The following FGFR1OP2 variants were observed in gnomAD, a reference collection of about 807,000 sequenced individuals.
FGFR1OP2 encodes the protein FGFR1 oncogene partner 2.
Under a neutral mutation model 35.2 loss-of-function variants are expected in FGFR1OP2, and 17 were observed. That is an observed-to-expected ratio of 0.48 (90% CI 0.33 to 0.73). The LOEUF (loss-of-function observed/expected upper bound fraction) is 0.73. Ranked by LOEUF, FGFR1OP2 falls within the 30% of genes least tolerant of loss-of-function variation. The pLI, the probability that FGFR1OP2 is intolerant of heterozygous loss-of-function variation, is 0.02. For synonymous variants in FGFR1OP2, 105 were observed against 104.6 expected (o/e 1.00, Z -0.03); for missense variants, 251 against 307.3 (o/e 0.82, Z 1.37).
chr12:26,941,554 A>G (rs138009864), intron 1 of FGFR1OP2, among the ~76,000 whole-genome samples: 1 of 152,322 alleles, frequency 6.6e-6, no homozygotes, highest in Non-Finnish European at 1.5e-5. Flanking sequence ...CAAATTTTAA[A>G]TGTAGTTGAT....
chr12:26,943,972 A>G (rs1458523794), intron 1 of FGFR1OP2, among the ~76,000 whole-genome samples: 2 of 151,822 alleles, frequency 1.3e-5, no homozygotes, highest in Non-Finnish European at 2.9e-5. Flanking sequence ...ATATGTTTTA[A>G]TTTGTGCCCA....
In FGFR1OP2 at chr12:26,966,188, T is replaced by C. The variant is rs1227748738; in HGVS notation, c.*1455T>C. ...AAAAGGGCTAATGGCCCAAACATTA[T>C]ATAGATTTCTTTTTTTCAGTCAGAG... On this transcript the variant is annotated 3_prime_UTR_variant, in exon 7 of 7. Coordinates refer to ENST00000229395, the MANE Select transcript of FGFR1OP2 (RefSeq NM_015633.3). 1.3e-5 allele frequency: 2 copies of C among 152,082 alleles called. No individual in the cohort carries two copies. The highest frequency in any genetic ancestry group is 2.9e-5 in the Non-Finnish European group (2 of 67,958). 9.4% of individuals were successfully genotyped at this position (152,082 alleles called of 1,614,324 possible). A position where few individuals can be genotyped will look rare whatever the true frequency, so the allele number is the denominator to read the frequency against.
At chr12:26,945,316 ATCTT>A (rs1212376809) in intron 1 of FGFR1OP2, among the ~76,000 whole-genome samples, 5 of 152,020 alleles carry the variant, frequency 3.3e-5, no homozygotes, top group African/African-American at 1.2e-4. Flanking sequence ...TTGATTTGAG[ATCTT>A]TCTAATTTTC....
Position 26,943,654 on chromosome 12 carries a change from A to G in FGFR1OP2, c.-15+4944A>G, listed in dbSNP as rs111394361. ...ATCCTGGCCAACATGACGAAACCCC[A>G]TCTCTACTAAAAATACAAAAATTAG... On this transcript the variant is annotated intron_variant, in intron 1 of 6. Transcript: ENST00000229395. Among the ~76,000 whole-genome samples the G allele has an allele frequency of 4.3e-3, 661 of 152,166 alleles. 6 individuals are homozygous for G. Among genetic ancestry groups the G allele is most frequent in the African/African-American group, 0.015 (625 of 41,510 alleles).
Position 26,954,189 on chromosome 12 carries a change from G to C in FGFR1OP2, c.31G>C (p.Asp11His). The change falls in exon 2 of 7, where the codon GAC (aspartate) becomes CAC (histidine). Residue 11 changes from aspartate to histidine, a missense_variant. Coordinates refer to ENST00000229395, the MANE Select transcript of FGFR1OP2 (RefSeq NM_015633.3). MSCTIEKALADAKALVERLRD... is the reference protein window; with the variant it reads MSCTIEKALAHAKALVERLRD... Reference sequence around the variant, plus strand: ...TTGCACAATTGAGAAGGCACTTGCCGACGCTAAAGCTCTTGTTGAAAGATT... The same window carrying C: ...TTGCACAATTGAGAAGGCACTTGCCCACGCTAAAGCTCTTGTTGAAAGATT... The C allele has an allele frequency of 6.2e-7, 1 of 1,606,276 alleles. No homozygotes were observed. Among genetic ancestry groups the C allele is most frequent in the East Asian group, 2.2e-5 (1 of 44,734 alleles).
rs1208375547 is a variant in FGFR1OP2 at position 26,964,886 on chromosome 12, G to T, written c.*153G>T. 2.9e-5 allele frequency: 19 copies of T among 648,330 alleles called. No homozygotes were observed. The highest frequency in any genetic ancestry group is 4.1e-5 in the Non-Finnish European group (17 of 412,554). The allele number at this position is 648,330 out of a possible 1,614,324, so 40.2% of individuals were successfully genotyped here. A position where few individuals can be genotyped will look rare whatever the true frequency, so the allele number is the denominator to read the frequency against. ...TAGCAACAAAAAATGCATAGTTAAT[G>T]GTCATAGACTTTATTCCAAAACATA... On this transcript the variant is annotated 3_prime_UTR_variant, in exon 7 of 7. Coordinates refer to ENST00000229395, the MANE Select transcript of FGFR1OP2 (RefSeq NM_015633.3).
chr12:26,948,382 T>A (rs1040031900), intron 1 of FGFR1OP2, among the ~76,000 whole-genome samples: 14 of 152,232 alleles, frequency 9.2e-5, no homozygotes, highest in African/African-American at 3.4e-4. Context: ...TGACTTTTAT[T>A]TCACCTTCAT....
intron 1 of FGFR1OP2, among the ~76,000 whole-genome samples, chr12:26,942,629 A>G (rs569572685): frequency 1.3e-5 from 2 of 152,300 alleles, no homozygotes; most frequent in Admixed American, 1.3e-4. Flanking sequence ...CATTTGAGGC[A>G]ATGTGGTATT....
At chr12:26,940,653 A>T (rs1486252012) in intron 1 of FGFR1OP2, among the ~76,000 whole-genome samples, 3 of 152,222 alleles carry the variant, frequency 2.0e-5, no homozygotes, top group African/African-American at 7.2e-5. Context: ...TTAAAGACAG[A>T]TCTGTGGTGT....
At chr12:26,960,848 G>C in intron 5 of FGFR1OP2, 1 of 562,552 alleles carries the variant, frequency 1.8e-6, no homozygotes, top group East Asian at 4.4e-5. Flanking sequence ...TTAGATATTT[G>C]CAGGTTTTAT....
intron 1 of FGFR1OP2, among the ~76,000 whole-genome samples, chr12:26,946,371 C>T (rs1354151662): frequency 6.6e-6 from 1 of 152,152 alleles, no homozygotes; most frequent in Admixed American, 6.5e-5. Context: ...AGTTTAGTGG[C>T]GTGATTGTGG....
chr12:26,961,470 G>A (rs1939104507), intron 5 of FGFR1OP2: 1 of 152,070 alleles, frequency 6.6e-6, no homozygotes, highest in Non-Finnish European at 1.5e-5. Flanking sequence ...GCTTCAGCTA[G>A]GCATGGTGGC....
intron 1 of FGFR1OP2, among the ~76,000 whole-genome samples, chr12:26,950,213 G>GTTCT (rs1938898866): frequency 2.0e-5 from 1 of 50,942 alleles, no homozygotes; most frequent in African/African-American, 8.1e-5. Flanking sequence ...TGTATTCGTT[G>GTTCT]TTTTTTTTTT....
rs1179867635 is a variant in FGFR1OP2, at chr12:26,966,399, A to G, written c.*1666A>G. On this transcript the variant is annotated 3_prime_UTR_variant, in exon 7 of 7. Coordinates refer to ENST00000229395, the MANE Select transcript of FGFR1OP2 (RefSeq NM_015633.3). ...TGAGGCAGTTCATTGAGGCAGCTCTACTATAAAAGCTTACTTGATAAATAA... is the reference window on the plus strand; with the variant it reads ...TGAGGCAGTTCATTGAGGCAGCTCTGCTATAAAAGCTTACTTGATAAATAA... 1.3e-5 allele frequency: 2 copies of G among 152,186 alleles called. No individual in the cohort carries two copies. Among genetic ancestry groups the G allele is most frequent in the Non-Finnish European group, 2.9e-5 (2 of 68,008 alleles). 9.4% of individuals were successfully genotyped at this position (152,186 alleles called of 1,614,324 possible).
chr12:26,947,050 G>A (rs1938839263), intron 1 of FGFR1OP2, among the ~76,000 whole-genome samples: 1 of 151,082 alleles, frequency 6.6e-6, no homozygotes, highest in South Asian at 2.1e-4. Context: ...TCCACTGTAT[G>A]AACACATCAT....
At chr12:26,960,806 A>C in intron 5 of FGFR1OP2, 178 bp downstream of exon 5, 1 of 1,019,990 alleles carries the variant, frequency 9.8e-7, no homozygotes, top group Non-Finnish European at 1.3e-6. Context: ...ATCTCTCATT[A>C]ATTTTCTGTG....
intron 1 of FGFR1OP2, among the ~76,000 whole-genome samples, chr12:26,953,059 G>A (rs1235466834): frequency 2.0e-5 from 3 of 151,870 alleles, no homozygotes; most frequent in South Asian, 2.1e-4. Context: ...TCAGGAGATC[G>A]AGACCATCCT....
intron 1 of FGFR1OP2, among the ~76,000 whole-genome samples, chr12:26,948,111 C>G (rs73084631): frequency 0.13 from 19,223 of 151,982 alleles, 1,245 homozygotes; most frequent in South Asian, 0.16. Context: ...TTTTTAGCCT[C>G]CTCCCTTTTT....
At chr12:26,954,627 T>C (rs1353846212) in intron 2 of FGFR1OP2, among the ~76,000 whole-genome samples, 1 of 152,232 alleles carries the variant, frequency 6.6e-6, no homozygotes, top group Non-Finnish European at 1.5e-5. Flanking sequence ...TCTTGTATAA[T>C]GTAGAAATGT....
Sources: allele counts gnomAD v4.1 joint callset (sites outside exome capture counted in the v4.1 genomes callset), GRCh38; gene constraint gnomAD v4.1.1; transcripts MANE v1.5; gene names NCBI Gene and HGNC (gene_info 2026-07-23, HGNC 2026-07-21).